Variants in SMARCAD1 observed in about 807,000 individuals in gnomAD.
SMARCAD1 encodes the protein SWI/SNF-related matrix-associated actin-dependent regulator of chromatin subfamily A containing DEAD/H box 1.
SMARCAD1 carries 25 observed loss-of-function variants against 127.1 expected under a neutral mutation model. That is an observed-to-expected ratio of 0.20 (90% confidence interval 0.14 to 0.27). SMARCAD1 has a LOEUF of 0.27. Among genes scored for constraint, SMARCAD1 ranks in the 10% least tolerant of loss-of-function variants. The pLI is 1.00. For synonymous variants in SMARCAD1, 400 were observed against 396.9 expected (o/e 1.01, Z -0.09); for missense variants, 807 against 1,206.0 (o/e 0.67, Z 4.90).
chr4:94,266,608 A>G (rs1288631837), intron 10 of SMARCAD1, among the ~76,000 whole-genome samples: 1 of 152,038 alleles, frequency 6.6e-6, no homozygotes, highest in Non-Finnish European at 1.5e-5. Context: ...TACTTGGTGT[A>G]CTGGCCAGGC....
intron 5 of SMARCAD1, 140 bp from the exon 6 acceptor site, chr4:94,240,766 A>G (rs1747456781): frequency 1.5e-6 from 1 of 682,448 alleles, no homozygotes. Context: ...ATTCAGTCAT[A>G]TGTAGAACAA....
intron 10 of SMARCAD1, 77 bp from the exon 11 acceptor site, chr4:94,270,651 T>C: frequency 7.8e-7 from 1 of 1,287,952 alleles, no homozygotes; most frequent in South Asian, 1.2e-5. Flanking sequence ...ATTTTAGTTT[T>C]TATGTGCATT....
rs999836294 is a variant in SMARCAD1 at position 94,290,399 on chromosome 4, C to T, written c.*865C>T. 9 of 454,376 alleles carry T rather than the reference C, an allele frequency of 2.0e-5. No homozygotes were observed. The highest frequency in any genetic ancestry group is 4.0e-5 in the African/African-American group (2 of 50,002). 28.1% of individuals were successfully genotyped at this position (454,376 alleles called of 1,614,324 possible). A position where few individuals can be genotyped will look rare whatever the true frequency, so the allele number is the denominator to read the frequency against. ...TTATTACTGCCACATCTCCATGCAT[C>T]AGCAAAATGTTGGTGACATTTTTCT... On this transcript the variant is annotated 3_prime_UTR_variant, in exon 24 of 24. Transcript: ENST00000354268.
chr4:94,286,650 A>G (rs576434878), intron 23 of SMARCAD1, among the ~76,000 whole-genome samples: 1 of 151,648 alleles, frequency 6.6e-6, no homozygotes, highest in Non-Finnish European at 1.5e-5. Context: ...TTTTTCTCCC[A>G]TCGTATTTTA....
In SMARCAD1 at chr4:94,224,338, C is replaced by G. The variant is rs192246561; in HGVS notation, c.191-1781C>G. On this transcript the variant is annotated intron_variant, in intron 2 of 23. Coordinates refer to ENST00000354268, the MANE Select transcript of SMARCAD1 (RefSeq NM_020159.5). ...GTTGTATAGTACTTGGTTGTTGTTA[C>G]AGGTTGAGTATCCCTTATCTGAAGT... Among the ~76,000 whole-genome samples, 15 of 152,306 alleles carry G rather than the reference C, an allele frequency of 9.8e-5. No individual in the cohort carries two copies. In the East Asian group the frequency reaches 2.9e-3, roughly 29 times the overall value.
chr4:94,271,595 A>G (rs1271825856), intron 11 of SMARCAD1, among the ~76,000 whole-genome samples: 1 of 152,230 alleles, frequency 6.6e-6, no homozygotes, highest in Non-Finnish European at 1.5e-5. Flanking sequence ...GCATTGTAAG[A>G]TATTTTCCCA....
intron 2 of SMARCAD1, among the ~76,000 whole-genome samples, chr4:94,214,796 TTGA>T (rs1742898128): frequency 6.6e-6 from 1 of 152,118 alleles, no homozygotes; most frequent in Non-Finnish European, 1.5e-5. Context: ...TAGTATATGT[TTGA>T]TGAATTTTTT....
At chr4:94,223,045 A>G (rs1744402810) in intron 2 of SMARCAD1, among the ~76,000 whole-genome samples, 1 of 152,148 alleles carries the variant, frequency 6.6e-6, no homozygotes, top group Non-Finnish European at 1.5e-5. Flanking sequence ...AAAAACAAAG[A>G]AAAGGTCAAT....
At chr4:94,227,574 G>A (rs529523114) in intron 3 of SMARCAD1, among the ~76,000 whole-genome samples, 1 of 152,282 alleles carries the variant, frequency 6.6e-6, no homozygotes, top group East Asian at 1.9e-4. Flanking sequence ...GGAGATAAAG[G>A]AGTCAAGGAT....
chr4:94,217,727 G>A (rs1743420691), intron 2 of SMARCAD1, among the ~76,000 whole-genome samples: 1 of 152,186 alleles, frequency 6.6e-6, no homozygotes, highest in Admixed American at 6.5e-5. Context: ...TTAATTATAT[G>A]TCGAATAATA....
intron 5 of SMARCAD1, among the ~76,000 whole-genome samples, chr4:94,237,665 G>A (rs1746896830): frequency 6.6e-6 from 1 of 151,800 alleles, no homozygotes; most frequent in Non-Finnish European, 1.5e-5. Flanking sequence ...CATACATTAG[G>A]TTACAAAATG....
chr4:94,270,865 A>G, intron 11 of SMARCAD1, 47 bp downstream of exon 11: 1 of 1,552,210 alleles, frequency 6.4e-7, no homozygotes, highest in Non-Finnish European at 8.9e-7. Context: ...GTGTCATTAA[A>G]AGGTATTCTT....
chr4:94,232,515 TATA>T (rs1473169778), intron 3 of SMARCAD1, among the ~76,000 whole-genome samples: 1 of 152,158 alleles, frequency 6.6e-6, no homozygotes, highest in African/African-American at 2.4e-5. Flanking sequence ...GAAGTCTAGG[TATA>T]ATAATGCAAA....
chr4:94,259,291 G>A (rs1484065180), intron 9 of SMARCAD1, among the ~76,000 whole-genome samples: 1 of 152,146 alleles, frequency 6.6e-6, no homozygotes, highest in Non-Finnish European at 1.5e-5. Flanking sequence ...TTATTTACAT[G>A]AGAGATTAAT....
chr4:94,262,889 TAA>T (rs368026206), intron 9 of SMARCAD1, among the ~76,000 whole-genome samples: 137 of 87,418 alleles, frequency 1.6e-3, no homozygotes, highest in African/African-American at 1.9e-3. Context: ...TAATTTCTGT[TAA>T]AAAAAAAAAA....
chr4:94,238,548 A>G (rs1747069744), intron 5 of SMARCAD1, among the ~76,000 whole-genome samples: 1 of 152,128 alleles, frequency 6.6e-6, no homozygotes, highest in South Asian at 2.1e-4. Context: ...ACTTACTTTA[A>G]AAGCTTCTGA....
At chr4:94,275,731 A>C (rs1022711316) in intron 14 of SMARCAD1, among the ~76,000 whole-genome samples, 2 of 151,966 alleles carry the variant, frequency 1.3e-5, no homozygotes, top group South Asian at 4.2e-4. Flanking sequence ...ATTACTTACA[A>C]GTTATACCCA....
At chr4:94,243,050 C>G (rs1456549076) in intron 6 of SMARCAD1, among the ~76,000 whole-genome samples, 1 of 152,130 alleles carries the variant, frequency 6.6e-6, no homozygotes, top group Admixed American at 6.6e-5. Flanking sequence ...CCTCTGCCTC[C>G]CGGGTTCAAG....
Position 94,279,109 on chromosome 4 carries a change from A to G in SMARCAD1, c.2418+59A>G, listed in dbSNP as rs148701911. 2.5e-5 allele frequency: 40 copies of G among 1,608,592 alleles called. No individual in the cohort carries two copies. In the African/African-American group the frequency reaches 3.3e-4, roughly 13 times the overall value. ...TAATAAGAGGTTAAGTTGTTAGGCT[A>G]TAAGATTGGTGAACCCAATGGGCAT... On this transcript the variant is annotated intron_variant, in intron 19 of 23. Coordinates refer to ENST00000354268, the MANE Select transcript of SMARCAD1 (RefSeq NM_020159.5).
Sources: allele counts gnomAD v4.1 joint callset (sites outside exome capture counted in the v4.1 genomes callset), GRCh38; gene constraint gnomAD v4.1.1; transcripts MANE v1.5; gene names NCBI Gene and HGNC (gene_info 2026-07-23, HGNC 2026-07-21).